Variants in TMPRSS11B observed in about 807,000 individuals in gnomAD.
TMPRSS11B encodes transmembrane protease serine 11B.
In TMPRSS11B, 53 loss-of-function variants were observed where a neutral mutation model predicts 44.7. The ratio of observed to expected loss-of-function variants is 1.19; its 90% CI spans 0.95 to 1.49. TMPRSS11B has a LOEUF of 1.49. Among genes scored for constraint, TMPRSS11B ranks in the 40% most tolerant of loss-of-function variants. The pLI is 0.00. For synonymous variants in TMPRSS11B, 140 were observed against 159.2 expected, an observed-to-expected ratio of 0.88 and a Z score of 0.91; for missense variants, 526 against 494.8, an observed-to-expected ratio of 1.06 and a Z score of -0.60.
intron 2 of TMPRSS11B, among the ~76,000 whole-genome samples, chr4:68,239,151 C>T (rs1719750963): frequency 1.3e-5 from 2 of 152,192 alleles, no homozygotes. Flanking sequence ...GAGACATGAT[C>T]TTTAAGGGAG....
rs781442820 is a variant in TMPRSS11B, at chr4:68,228,792, C to T, written c.1039G>A (p.Asp347Asn). Residue 347 changes from aspartate (D) to asparagine (N), a missense_variant, in exon 9 of 10, where the codon GAT (aspartate) becomes AAT (asparagine). Coordinates refer to ENST00000332644, the MANE Select transcript of TMPRSS11B (RefSeq NM_182502.3). Reference sequence around the variant, plus strand: ...ATAAATCCAGCACATAACATTGTATCAGTCACAAAGCCAGAGTATGCATAT... The same window carrying T: ...ATAAATCCAGCACATAACATTGTATTAGTCACAAAGCCAGAGTATGCATAT... Reference protein sequence around the residue: ...ASYAYSGFVTDTMLCAGFMSG... With the variant: ...ASYAYSGFVTNTMLCAGFMSG... 6.2e-7 allele frequency: 1 copy of T among 1,613,778 alleles called. No homozygotes were observed. The highest frequency in any genetic ancestry group is 8.5e-7 in the Non-Finnish European group (1 of 1,179,828).
At position 68,236,919 on chromosome 4, in the gene TMPRSS11B, A is replaced by C. The variant is rs1290845282; in HGVS notation, c.125-653T>G. Among the ~76,000 whole-genome samples the C allele has an allele frequency of 8.8e-3, 104 of 11,820 alleles. No homozygotes were observed. The South Asian group carries it at 0.11, about 13-fold the overall frequency. 7.8% of individuals were successfully genotyped at this position (11,820 alleles called of 152,430 possible). ...TCCTGGAGGACACCATGGTGCCATT[A>C]TTATTATTATTATTATTATTATTAT... On this transcript the variant is annotated intron_variant, in intron 2 of 9. Coordinates refer to ENST00000332644, the MANE Select transcript of TMPRSS11B (RefSeq NM_182502.3).
chr4:68,232,057 T>C (rs578059492), intron 6 of TMPRSS11B: 1 of 174,482 alleles, frequency 5.7e-6, no homozygotes, highest in African/African-American at 2.4e-5. Context: ...AGCCTGGTTT[T>C]ATATTTTCTT....
intron 1 of TMPRSS11B, 43 bp from the exon 2 acceptor site, chr4:68,241,847 T>C (rs780424483): frequency 8.8e-7 from 1 of 1,139,204 alleles, no homozygotes; most frequent in Admixed American, 1.7e-5. Flanking sequence ...ATAATAACAA[T>C]CAAAATCTAC....
chr4:68,229,565 A>G (rs767885033), intron 7 of TMPRSS11B, 49 bp from the exon 8 acceptor site: 1 of 1,549,428 alleles, frequency 6.5e-7, no homozygotes, highest in East Asian at 2.3e-5. Flanking sequence ...GGGTCACAAC[A>G]CTGTTCTTAG....
intron 5 of TMPRSS11B, among the ~76,000 whole-genome samples, chr4:68,234,193 A>G (rs1423457277): frequency 6.6e-6 from 1 of 151,732 alleles, no homozygotes; most frequent in Non-Finnish European, 1.5e-5. Flanking sequence ...TTCAATTAGA[A>G]CCCTTCACCC....
At chr4:68,234,349 A>G (rs1560442388) in intron 5 of TMPRSS11B, 114 bp downstream of exon 5, 3 of 1,019,444 alleles carry the variant, frequency 2.9e-6, no homozygotes, top group Admixed American at 2.5e-5. Context: ...AGAGTTAGGT[A>G]CGCATATTTT....
chr4:68,232,676 A>C (rs1159101566), intron 5 of TMPRSS11B, among the ~76,000 whole-genome samples: 1 of 152,192 alleles, frequency 6.6e-6, no homozygotes, highest in Non-Finnish European at 1.5e-5. Flanking sequence ...TTGAAGTAAA[A>C]TATTCAGTGC....
At position 68,234,558 on chromosome 4, in the gene TMPRSS11B, A is replaced by G; in HGVS notation, c.374T>C (p.Val125Ala). The change falls in exon 5 of 10, where the codon GTT (valine) becomes GCT (alanine). Residue 125 changes from valine to alanine, a missense_variant. By Grantham distance (64) the Val-to-Ala change is moderately conservative. Coordinates refer to ENST00000332644, the MANE Select transcript of TMPRSS11B (RefSeq NM_182502.3). ...AGCCTTGATTTTAGTCCTCATGCTAACTCCTTCTGCTGGAGGAAACTTGAA... is the reference window on the plus strand; with the variant it reads ...AGCCTTGATTTTAGTCCTCATGCTAGCTCCTTCTGCTGGAGGAAACTTGAA... ...LKFKFPPAEG[V>A]SMRTKIKAKL... 6.2e-7 allele frequency: 1 copy of G among 1,613,876 alleles called. No individual in the cohort carries two copies. Among genetic ancestry groups the G allele is most frequent in the African/African-American group, 1.3e-5 (1 of 74,998 alleles).
chr4:68,238,632 C>T (rs1017904957), intron 2 of TMPRSS11B, among the ~76,000 whole-genome samples: 3 of 151,322 alleles, frequency 2.0e-5, no homozygotes, highest in South Asian at 4.2e-4. Context: ...GAGGCTGAGG[C>T]GGGAGAATTG....
intron 6 of TMPRSS11B, 145 bp from the exon 7 acceptor site, chr4:68,231,525 G>T: frequency 1.3e-6 from 1 of 769,834 alleles, no homozygotes; most frequent in Non-Finnish European, 2.0e-6. Flanking sequence ...AGATACTCCT[G>T]TGATGTTTCT....
At chr4:68,235,589 T>G (rs1719637436) in intron 4 of TMPRSS11B, among the ~76,000 whole-genome samples, 1 of 152,166 alleles carries the variant, frequency 6.6e-6, no homozygotes, top group African/African-American at 2.4e-5. Flanking sequence ...TGATAATTAT[T>G]AAGGAAACTA....
At chr4:68,239,478 G>A (rs774112934) in intron 2 of TMPRSS11B, among the ~76,000 whole-genome samples, 2 of 152,158 alleles carry the variant, frequency 1.3e-5, no homozygotes, top group African/African-American at 2.4e-5. Flanking sequence ...GTGAAAAAAT[G>A]TCTGTTGTTT....
rs1208249586 is a variant in TMPRSS11B, at chr4:68,231,214, G to C, written c.675C>G (p.His225Gln). The C allele has an allele frequency of 6.2e-7, 1 of 1,606,264 alleles. No individual in the cohort carries two copies. The highest frequency in any genetic ancestry group is 1.1e-5 in the South Asian group (1 of 89,398). Residue 225 changes from histidine (H) to glutamine (Q), a missense_variant, in exon 7 of 10, where the codon CAC becomes CAG. Coordinates refer to ENST00000332644, the MANE Select transcript of TMPRSS11B (RefSeq NM_182502.3). ...ATTTTCAAACTTACTTAGCAAAGCA[G>C]TGAGCTGCAGATAATAGCCACCTGC... ...ISSRWLLSAAHCFAKKNNSKD... is the reference protein window; with the variant it reads ...ISSRWLLSAAQCFAKKNNSKD...
At chr4:68,234,179 A>G (rs1719595992) in intron 5 of TMPRSS11B, among the ~76,000 whole-genome samples, 1 of 151,744 alleles carries the variant, frequency 6.6e-6, no homozygotes, top group Admixed American at 6.6e-5. Context: ...AAACAAGAAG[A>G]TAATTCAATT....
Position 68,229,344 on chromosome 4 carries a change from G to T in TMPRSS11B, c.859C>A (p.Arg287Ser). 4.3e-6 allele frequency: 7 copies of T among 1,613,936 alleles called. No homozygotes were observed. Among genetic ancestry groups the T allele is most frequent in the Non-Finnish European group, 5.9e-6 (7 of 1,179,932 alleles). The change falls in exon 8 of 10, where the codon CGT (arginine) becomes AGT (serine). Residue 287 changes from arginine (R) to serine (S), a missense_variant. Arg to Ser is a moderately radical substitution (Grantham distance 110). Coordinates refer to ENST00000332644, the MANE Select transcript of TMPRSS11B (RefSeq NM_182502.3). ...AEEVSFTEYI[R>S]KICLPEAKMK... ...TTGGCTTCAGGAAGACAAATCTTACGAATGTACTCTGTAAAAGAAACTTCT... is the reference window on the plus strand; with the variant it reads ...TTGGCTTCAGGAAGACAAATCTTACTAATGTACTCTGTAAAAGAAACTTCT...
intron 8 of TMPRSS11B, 151 bp downstream of exon 8, chr4:68,229,106 T>G (rs1312095524): frequency 1.0e-6 from 1 of 963,584 alleles, no homozygotes; most frequent in Admixed American, 2.9e-5. Context: ...GAAGACAATT[T>G]GACATCATGC....
At position 68,231,301 on chromosome 4, in the gene TMPRSS11B, C is replaced by A; in HGVS notation, c.588G>T (p.Trp196Cys). The change falls in exon 7 of 10, where the codon TGG (tryptophan) becomes TGT (cysteine). Residue 196 changes from tryptophan (W) to cysteine (C), a missense_variant. Trp to Cys is a radical substitution (Grantham distance 215). Transcript: ENST00000332644. Reference protein sequence around the residue: ...VNGKSSLEGAWPWQASMQWKG... With the variant: ...VNGKSSLEGACPWQASMQWKG... ...TCCATTGCATGCTGGCCTGCCATGG[C>A]CATGCCCCCTCCAGGGAGCTTTTTC... 6.2e-7 allele frequency: 1 copy of A among 1,613,938 alleles called. No homozygotes were observed. Among genetic ancestry groups the A allele is most frequent in the East Asian group, 2.2e-5 (1 of 44,878 alleles).
At position 68,245,553 on chromosome 4, in the gene TMPRSS11B, G is replaced by A; in HGVS notation, c.6C>T (p.Tyr2=). 2 of 1,613,452 alleles carry A rather than the reference G, an allele frequency of 1.2e-6. No individual in the cohort carries two copies. Among genetic ancestry groups the A allele is most frequent in the Non-Finnish European group, 1.7e-6 (2 of 1,179,578 alleles). ...CTCCCCAGTGAAGTCCCCTTTACCT[G>A]TACATAATGTTCTGATTGTTATGGC... The part of the protein sequence containing the change: M[Y]RHGISSQRSW... Residue 2 remains tyrosine (Y), a splice_region_variant and synonymous_variant, in exon 1 of 10, where the codon TAC becomes TAT. Coordinates refer to ENST00000332644, the MANE Select transcript of TMPRSS11B (RefSeq NM_182502.3).
Sources: allele counts gnomAD v4.1 joint callset (sites outside exome capture counted in the v4.1 genomes callset), GRCh38; gene constraint gnomAD v4.1.1; transcripts MANE v1.5; gene names NCBI Gene and HGNC (gene_info 2026-07-23, HGNC 2026-07-21).